The following AR variants were observed in gnomAD, a reference collection of about 807,000 sequenced individuals.
AR encodes the protein dihydrotestosterone receptor.
A neutral mutation model predicts 53.9 loss-of-function variants in AR; 8 were observed. The ratio of observed to expected loss-of-function variants is 0.15; its 90% CI spans 0.09 to 0.27. The LOEUF (loss-of-function observed/expected upper bound fraction) is 0.27, where lower values mean the gene tolerates loss of function less well. Ranked by LOEUF, AR falls within the 10% of genes least tolerant of loss-of-function variation. The pLI is 1.00. For synonymous variants in AR, 359 were observed against 316.4 expected, an observed-to-expected ratio of 1.13 and a Z score of -1.43; for missense variants, 639 against 742.5, an observed-to-expected ratio of 0.86 and a Z score of 1.62.
chrX:67,707,034 C>A (rs1488253828), intron 3 of AR, among the ~76,000 whole-genome samples: 1 of 111,787 alleles, frequency 8.9e-6, no homozygotes, highest in Non-Finnish European at 1.9e-5. Flanking sequence ...AATTTCTGTT[C>A]TTTTACATTT....
At chrX:67,623,958 G>T (rs932940550) in intron 1 of AR, among the ~76,000 whole-genome samples, 1 of 111,182 alleles carries the variant, frequency 9.0e-6, no homozygotes, top group South Asian at 3.8e-4. Flanking sequence ...AGTCTGTACA[G>T]CAGGCATGGA....
At chrX:67,645,009 G>T (rs944586370) in intron 2 of AR, among the ~76,000 whole-genome samples, 1 of 110,538 alleles carries the variant, frequency 9.0e-6, no homozygotes, top group Non-Finnish European at 1.9e-5. Context: ...CTTCCCCAGT[G>T]AGACCCTGGC....
intron 1 of AR, among the ~76,000 whole-genome samples, chrX:67,630,767 G>A (rs1925044489): frequency 9.0e-6 from 1 of 110,765 alleles, no homozygotes; most frequent in African/African-American, 3.3e-5. Context: ...TGATTTTGCA[G>A]CGGCTGGTAC....
chrX:67,664,024 A>AT (rs1191449277), intron 2 of AR, among the ~76,000 whole-genome samples: 2 of 110,463 alleles, frequency 1.8e-5, no homozygotes, highest in Admixed American at 9.6e-5. Context: ...CATTTGTCTA[A>AT]TTTTTTTTCA....
At chrX:67,694,014 G>T (rs2076008028) in intron 3 of AR, among the ~76,000 whole-genome samples, 1 of 111,388 alleles carries the variant, frequency 9.0e-6, no homozygotes, top group Non-Finnish European at 1.9e-5. Flanking sequence ...AAGAAAATCT[G>T]CATCTTGACC....
chrX:67,720,724 G>A, intron 5 of AR, among the ~76,000 whole-genome samples: 1 of 111,097 alleles, frequency 9.0e-6, no homozygotes, highest in African/African-American at 3.3e-5. Context: ...GACAATACCA[G>A]GCCTGCTCAT....
intron 3 of AR, among the ~76,000 whole-genome samples, chrX:67,704,141 A>C (rs1274565529): frequency 8.9e-6 from 1 of 112,009 alleles, no homozygotes; most frequent in East Asian, 2.8e-4. Flanking sequence ...CATGACATAT[A>C]ATCCTTTGGG....
At chrX:67,622,495 C>T (rs1924429037) in intron 1 of AR, among the ~76,000 whole-genome samples, 1 of 111,868 alleles carries the variant, frequency 8.9e-6, no homozygotes, top group Admixed American at 9.5e-5. Context: ...TACTACCACT[C>T]CAGCTGTCTT....
In AR at chrX:67,723,863, C is replaced by T. The variant is rs1476980116; in HGVS notation, c.*22C>T. 1 of 1,207,268 alleles carries T rather than the reference C, an allele frequency of 8.3e-7. No individual in the cohort carries two copies. The highest frequency in any genetic ancestry group is 3.0e-5 in the East Asian group (1 of 33,767). On this transcript the variant is annotated 3_prime_UTR_variant, in exon 8 of 8. Transcript: ENST00000374690. ...GTGAAGCATTGGAAACCCTATTTCCCCACCCCAGCTCATGCCCCCTTTCAG... is the reference window on the plus strand; with the variant it reads ...GTGAAGCATTGGAAACCCTATTTCCTCACCCCAGCTCATGCCCCCTTTCAG...
chrX:67,588,079 G>GT (rs1922643407), intron 1 of AR, among the ~76,000 whole-genome samples: 2 of 111,919 alleles, frequency 1.8e-5, no homozygotes, highest in African/African-American at 6.5e-5. Context: ...GGTACAGAAT[G>GT]TTCTGTGGAG....
chrX:67,629,634 T>G (rs1924946688), intron 1 of AR, among the ~76,000 whole-genome samples: 1 of 110,651 alleles, frequency 9.0e-6, no homozygotes, highest in South Asian at 3.9e-4. Context: ...TGTCTCTATT[T>G]CCTTTAGTTC....
intron 2 of AR, among the ~76,000 whole-genome samples, chrX:67,682,113 A>G (rs1323973498): frequency 9.0e-6 from 1 of 111,691 alleles, no homozygotes; most frequent in Non-Finnish European, 1.9e-5. Context: ...GCCCACAGCT[A>G]ACATTATATT....
At chrX:67,626,877 G>A (rs867447142) in intron 1 of AR, among the ~76,000 whole-genome samples, 35 of 97,993 alleles carry the variant, frequency 3.6e-4, no homozygotes, top group Middle Eastern at 5.0e-3. Flanking sequence ...GAGAACATGC[G>A]GTGTTTGGTT....
chrX:67,568,873 T>A (rs1921672432), intron 1 of AR: 2 of 1,192,002 alleles, frequency 1.7e-6, no homozygotes, highest in East Asian at 6.0e-5. Flanking sequence ...TCGGAGGTCA[T>A]CTGTTCCATC....
intron 1 of AR, among the ~76,000 whole-genome samples, chrX:67,567,638 A>G (rs1374642548): frequency 8.9e-6 from 1 of 111,792 alleles, no homozygotes; most frequent in African/African-American, 3.3e-5. Flanking sequence ...TTGAAAGAGC[A>G]GCAGACCTAC....
rs1440880235 is a variant in AR at position 67,726,458 on chromosome X, C to T, written c.*2617C>T. On this transcript the variant is annotated 3_prime_UTR_variant, in exon 8 of 8. Transcript: ENST00000374690. ...TATCTCTCCTTGTAAATACTAGAAG[C>T]TCTCCTTTACATTTCTCTATCAAAT... 4 of 174,054 alleles carry T rather than the reference C, an allele frequency of 2.3e-5. No homozygotes were observed. The East Asian group carries it at 2.4e-4, about 11-fold the overall frequency. The allele number at this position is 174,054 out of a possible 1,213,427, so 14.3% of individuals were successfully genotyped here.
intron 1 of AR, among the ~76,000 whole-genome samples, chrX:67,626,998 T>G (rs1250651488): frequency 9.4e-6 from 1 of 106,180 alleles, no homozygotes; most frequent in Non-Finnish European, 1.9e-5. Flanking sequence ...CCATGGTGTA[T>G]ATGTGCCACA....
intron 1 of AR, among the ~76,000 whole-genome samples, chrX:67,634,856 A>G (rs1925347650): frequency 8.9e-6 from 1 of 111,979 alleles, no homozygotes; most frequent in African/African-American, 3.2e-5. Context: ...TGTGATTAAT[A>G]AAATATATTT....
chrX:67,552,229 A>G (rs1930025819), intron 1 of AR, among the ~76,000 whole-genome samples: 1 of 112,105 alleles, frequency 8.9e-6, no homozygotes, highest in Non-Finnish European at 1.9e-5. Flanking sequence ...ACTTCTATCT[A>G]TGGATGTGCT....
Sources: allele counts gnomAD v4.1 joint callset (sites outside exome capture counted in the v4.1 genomes callset), GRCh38; gene constraint gnomAD v4.1.1; transcripts MANE v1.5; gene names NCBI Gene and HGNC (gene_info 2026-07-23, HGNC 2026-07-21).